ZNF507: variants seen among roughly 807,000 people sequenced by gnomAD.
ZNF507 encodes the protein zinc finger protein 507.
ZNF507 carries 29 observed loss-of-function variants against 80.0 expected under a neutral mutation model. That is an observed-to-expected ratio of 0.36 (90% CI 0.27 to 0.49). ZNF507 has a LOEUF of 0.49. ZNF507 is among the 20% of genes least tolerant of loss of function. The probability of loss-of-function intolerance (pLI) is 0.98; values close to 1 mark genes in which losing one functional copy is unlikely to be tolerated. For synonymous variants in ZNF507, 462 were observed against 422.5 expected (o/e 1.09, Z -1.15); for missense variants, 1,081 against 1,152.2 (o/e 0.94, Z 0.90).
intron 2 of ZNF507, among the ~76,000 whole-genome samples, chr19:32,348,179 G>T (rs1474143495): frequency 6.6e-6 from 1 of 152,160 alleles, no homozygotes; most frequent in African/African-American, 2.4e-5. Context: ...GCACTTTAGG[G>T]GAGGGACCCT....
chr19:32,362,439 ATAT>A (rs1249234102), intron 5 of ZNF507, among the ~76,000 whole-genome samples: 3 of 152,176 alleles, frequency 2.0e-5, no homozygotes, highest in Admixed American at 6.5e-5. Context: ...TATTGAGCAA[ATAT>A]TATGCTTCAG....
chr19:32,349,046 T>C (rs1246006146), intron 2 of ZNF507, among the ~76,000 whole-genome samples: 1 of 152,224 alleles, frequency 6.6e-6, no homozygotes, highest in African/African-American at 2.4e-5. Flanking sequence ...TGCAGTTATC[T>C]GGAGCTAGCA....
In ZNF507 at chr19:32,383,545, G is replaced by C. The variant is rs62104827; in HGVS notation, c.*462G>C. On this transcript the variant is annotated 3_prime_UTR_variant, in exon 7 of 7. Transcript: ENST00000355898. ...GAGAAATGGGAGGCAGTTCTGGGAG[G>C]GGGTTTTTTCAGTGTCACCAACAGA... The C allele has an allele frequency of 6.4e-6, 1 of 155,990 alleles. No individual in the cohort carries two copies. Among genetic ancestry groups the C allele is most frequent in the South Asian group, 1.9e-4 (1 of 5,176 alleles). 9.7% of individuals were successfully genotyped at this position (155,990 alleles called of 1,614,324 possible). A position where few individuals can be genotyped will look rare whatever the true frequency, so the allele number is the denominator to read the frequency against.
chr19:32,352,845 C>G lies in ZNF507; in HGVS notation c.15C>G (p.Ser5Arg), dbSNP rs781528177. The stretch of plus-strand genomic sequence containing the variant: ...CCTTTTTAGATATGGAAGAAAGTAG[C>G]AGTGTTGCCATGTTGGTGCCAGATA... Reference protein sequence around the residue: MEESSSVAMLVPDIG... With the variant: MEESRSVAMLVPDIG... Residue 5 changes from serine (S) to arginine (R), a missense_variant, in exon 3 of 7, where the codon AGC (serine) becomes AGG (arginine). Around this residue, in one of 6 missense-constraint regions of ZNF507, gnomAD observed 275 missense variants for 303.9 expected, o/e 0.90. Transcript: ENST00000355898. 5 of 1,578,822 alleles carry G rather than the reference C, an allele frequency of 3.2e-6. No homozygotes were observed. The South Asian group carries it at 5.9e-5, about 19-fold the overall frequency.
At chr19:32,375,115 A>G (rs1303850501) in intron 5 of ZNF507, among the ~76,000 whole-genome samples, 1 of 152,222 alleles carries the variant, frequency 6.6e-6, no homozygotes. Context: ...AAAAAATTAA[A>G]TATGACCTTG....
intron 5 of ZNF507, chr19:32,380,749 G>A: frequency 1.1e-6 from 1 of 881,126 alleles, no homozygotes; most frequent in South Asian, 1.5e-5. Context: ...ATGCTCCTGA[G>A]TGTTTGCCCA....
At chr19:32,361,660 T>C (rs1967324166) in intron 5 of ZNF507, among the ~76,000 whole-genome samples, 1 of 132,030 alleles carries the variant, frequency 7.6e-6, no homozygotes. Flanking sequence ...CTTCCTTCCT[T>C]CTTTTCTTCC....
chr19:32,377,186 C>A (rs1214754006), intron 5 of ZNF507, among the ~76,000 whole-genome samples: 1 of 151,574 alleles, frequency 6.6e-6, no homozygotes, highest in Non-Finnish European at 1.5e-5. Context: ...AAGGGAGACT[C>A]TCTTTCCCAG....
At chr19:32,375,534 ATAT>A (rs1250131292) in intron 5 of ZNF507, among the ~76,000 whole-genome samples, 1 of 152,226 alleles carries the variant, frequency 6.6e-6, no homozygotes, top group African/African-American at 2.4e-5. Flanking sequence ...GAAAGAAGAG[ATAT>A]TATAGATTAA....
Position 32,356,660 on chromosome 19 carries a change from T to C in ZNF507, c.2172T>C (p.Asp724=), listed in dbSNP as rs1288807590. The change falls in exon 4 of 7, where the codon GAT becomes GAC. Residue 724 remains aspartate (D), a synonymous_variant. Coordinates refer to ENST00000355898, the MANE Select transcript of ZNF507 (RefSeq NM_001136156.2). ...NHEREQHSLP[D]TLSIATSNEP... ...AGAGAGAACAGCACAGTCTTCCAGA[T>C]ACCTTGTCAATAGCAACTTCTAATG... 3 of 1,614,030 alleles carry C rather than the reference T, an allele frequency of 1.9e-6. No individual in the cohort carries two copies. Among genetic ancestry groups the C allele is most frequent in the Admixed American group, 1.7e-5 (1 of 59,996 alleles).
intron 1 of ZNF507, among the ~76,000 whole-genome samples, chr19:32,346,132 T>G (rs964417658): frequency 3.9e-5 from 6 of 152,218 alleles, no homozygotes; most frequent in African/African-American, 1.4e-4. Flanking sequence ...CACGATGTTC[T>G]CACAGCATCT....
intron 1 of ZNF507, among the ~76,000 whole-genome samples, chr19:32,346,475 A>G (rs73926016): frequency 7.2e-4 from 110 of 152,308 alleles, no homozygotes; most frequent in African/African-American, 2.5e-3. Context: ...TTCTCAGGCA[A>G]TTACTGGATT....
At position 32,354,360 on chromosome 19, in the gene ZNF507, G is replaced by T; in HGVS notation, c.1530G>T (p.Leu510Phe). 6.2e-7 allele frequency: 1 copy of T among 1,614,142 alleles called. No homozygotes were observed. Among genetic ancestry groups the T allele is most frequent in the South Asian group, 1.1e-5 (1 of 91,068 alleles). Residue 510 changes from leucine to phenylalanine, a missense_variant, in exon 3 of 7, where the codon TTG (leucine) becomes TTT (phenylalanine). By Grantham distance (22) the Leu-to-Phe change is conservative. This residue lies in a region of ZNF507 where 614 missense variants were observed against 583.9 expected (regional missense o/e 1.05). Coordinates refer to ENST00000355898, the MANE Select transcript of ZNF507 (RefSeq NM_001136156.2). ...LVTMPIRAAE[L>F]TRANLGHYGD... ...CAATGCCTATAAGAGCTGCAGAGTT[G>T]ACAAGAGCCAACCTGGGGCACTATG...
Position 32,383,103 on chromosome 19 carries a change from AG to A in ZNF507, c.*22del. On this transcript the variant is annotated 3_prime_UTR_variant, in exon 7 of 7. Coordinates refer to ENST00000355898, the MANE Select transcript of ZNF507 (RefSeq NM_001136156.2). ...AATTAGGTGGAATAATGACTCGAGC[AG>A]GAAAGCAGTAGAAGAGGATTCCTTC... 2 of 1,601,936 alleles carry A rather than the reference AG, an allele frequency of 1.2e-6. No individual in the cohort carries two copies. The highest frequency in any genetic ancestry group is 1.7e-6 in the Non-Finnish European group (2 of 1,171,610).
rs58648987 is a variant in ZNF507 at position 32,374,474 on chromosome 19, C to CTT, written c.2361-7980_2361-7979dup. On this transcript the variant is annotated intron_variant, in intron 5 of 6. Transcript: ENST00000355898. ...TCCTTTCTATTTATAGCTTTTCTTTCTTTTTTTTTTTTTTCTTGAGACAGA... is the reference window on the plus strand; with the variant it reads ...TCCTTTCTATTTATAGCTTTTCTTTCTTTTTTTTTTTTTTTTCTTGAGACAGA... Among the ~76,000 whole-genome samples, 854 of 138,132 alleles carry CTT rather than the reference C, an allele frequency of 6.2e-3. 8 individuals are homozygous for CTT. Among genetic ancestry groups the CTT allele is most frequent in the African/African-American group, 0.011 (395 of 37,188 alleles). 90.6% of individuals were successfully genotyped at this position (138,132 alleles called of 152,430 possible). A position where few individuals can be genotyped will look rare whatever the true frequency, so the allele number is the denominator to read the frequency against.
intron 5 of ZNF507, among the ~76,000 whole-genome samples, chr19:32,369,090 A>G (rs1220262713): frequency 6.6e-6 from 1 of 152,222 alleles, no homozygotes; most frequent in East Asian, 1.9e-4. Context: ...CAGGCTTTTT[A>G]GCCAAGTTAT....
In ZNF507 at chr19:32,353,912, T is replaced by C. The variant is rs1273160258; in HGVS notation, c.1082T>C (p.Met361Thr). Residue 361 changes from methionine to threonine, a missense_variant, in exon 3 of 7, where the codon ATG becomes ACG. Met to Thr is a moderately conservative substitution (Grantham distance 81). Coordinates refer to ENST00000355898, the MANE Select transcript of ZNF507 (RefSeq NM_001136156.2). ...ACCCTGGACCCCAATGAGGAAGAAATGCTAGAAGTGATTTCTGATGCAGAG... is the reference window on the plus strand; with the variant it reads ...ACCCTGGACCCCAATGAGGAAGAAACGCTAGAAGTGATTTCTGATGCAGAG... ...SVTLDPNEEE[M>T]LEVISDAEEN... 1.2e-6 allele frequency: 2 copies of C among 1,613,986 alleles called. No homozygotes were observed. Among genetic ancestry groups the C allele is most frequent in the Non-Finnish European group, 1.7e-6 (2 of 1,180,026 alleles).
rs527369479 is a variant in ZNF507 at position 32,382,910 on chromosome 19, T to C, written c.2689T>C (p.Ser897Pro). The C allele has an allele frequency of 1.2e-6, 2 of 1,614,142 alleles. No homozygotes were observed. The highest frequency in any genetic ancestry group is 4.5e-5 in the East Asian group (2 of 44,876). The change falls in exon 7 of 7, where the codon TCC (serine) becomes CCC (proline). Residue 897 changes from serine (S) to proline (P), a missense_variant. Physicochemically the swap from Ser to Pro is moderately conservative, Grantham distance 74 (BLOSUM62 -1). Transcript: ENST00000355898. Reference protein sequence around the residue: ...SNTSYSLEKISSLAPPSMEYC... With the variant: ...SNTSYSLEKIPSLAPPSMEYC... ...TACCTCATATAGTTTAGAAAAAATC[T>C]CCAGTCTGGCCCCTCCTAGCATGGA... is the stretch of plus-strand genomic sequence containing the variant.
chr19:32,372,118 A>G (rs1437034164), intron 5 of ZNF507, among the ~76,000 whole-genome samples: 4 of 152,240 alleles, frequency 2.6e-5, no homozygotes, highest in African/African-American at 9.6e-5. Flanking sequence ...ATAGGATGGA[A>G]CATTATACCC....
Sources: allele counts gnomAD v4.1 joint callset (sites outside exome capture counted in the v4.1 genomes callset), GRCh38; gene constraint gnomAD v4.1.1; regional missense constraint gnomAD v4.1.1; transcripts MANE v1.5; gene names NCBI Gene and HGNC (gene_info 2026-07-23, HGNC 2026-07-21).